TRAPPC3: variants seen among roughly 807,000 people sequenced by gnomAD.
TRAPPC3 encodes the protein trafficking protein particle complex subunit 3.
Under a neutral mutation model 18.2 loss-of-function variants are expected in TRAPPC3, and 5 were observed. That is an observed-to-expected ratio of 0.28 (90% CI 0.14 to 0.58). The LOEUF (loss-of-function observed/expected upper bound fraction) is 0.58. TRAPPC3 is among the 20% of genes least tolerant of loss of function. The pLI is 0.91. For synonymous variants in TRAPPC3, 65 were observed against 84.2 expected (o/e 0.77, Z 1.25); for missense variants, 176 against 225.9 (o/e 0.78, Z 1.41).
intron 1 of TRAPPC3, among the ~76,000 whole-genome samples, chr1:36,144,526 T>C (rs1183353003): frequency 2.0e-5 from 3 of 152,210 alleles, no homozygotes; most frequent in East Asian, 3.9e-4. Context: ...TGGTGGTACA[T>C]GCCTGTAGTC....
upstream of TRAPPC3, among the ~76,000 whole-genome samples, chr1:36,151,537 G>A (rs1465631706): frequency 6.6e-6 from 1 of 152,158 alleles, no homozygotes; most frequent in Non-Finnish European, 1.5e-5. Flanking sequence ...CTTGAGCCCA[G>A]GAGGTGGAGG....
intron 1 of TRAPPC3, among the ~76,000 whole-genome samples, chr1:36,144,525 A>G (rs750027548): frequency 5.3e-5 from 8 of 152,062 alleles, no homozygotes; most frequent in Admixed American, 1.3e-4. Flanking sequence ...ATGGTGGTAC[A>G]TGCCTGTAGT....
At chr1:36,138,900 G>A (rs1644064267) in intron 3 of TRAPPC3, among the ~76,000 whole-genome samples, 1 of 151,722 alleles carries the variant, frequency 6.6e-6, no homozygotes, top group Non-Finnish European at 1.5e-5. Context: ...GCCGGGCATG[G>A]TGGTGCATGC....
chr1:36,140,718 C>A (rs1644094341), intron 1 of TRAPPC3: 1 of 152,328 alleles, frequency 6.6e-6, no homozygotes, highest in African/African-American at 2.4e-5. Flanking sequence ...CTGATGACAA[C>A]CCCTTTCCAA....
rs556033765 is a variant in TRAPPC3, at chr1:36,139,533, C to T, written c.240+187G>A. ...AGCTCAGGCTTTGATTTCAGTGGGG[C>T]TTTAATCCACAGGGATTAAATAATC... On this transcript the variant is annotated intron_variant, in intron 3 of 4. Coordinates refer to ENST00000373166, the MANE Select transcript of TRAPPC3 (RefSeq NM_014408.5). The T allele has an allele frequency of 1.4e-5, 10 of 711,362 alleles. No individual in the cohort carries two copies. In the South Asian group the frequency reaches 2.0e-4, roughly 14 times the overall value. The allele number at this position is 711,362 out of a possible 1,614,324, so 44.1% of individuals were successfully genotyped here. A position where few individuals can be genotyped will look rare whatever the true frequency, so the allele number is the denominator to read the frequency against.
intron 1 of TRAPPC3, among the ~76,000 whole-genome samples, chr1:36,146,309 T>C (rs1260225579): frequency 1.3e-5 from 2 of 150,292 alleles, no homozygotes; most frequent in Non-Finnish European, 3.0e-5. Flanking sequence ...TCTTTTTTTT[T>C]TTTTTGAGAT....
At chr1:36,143,248 T>G (rs1644142702) in intron 1 of TRAPPC3, among the ~76,000 whole-genome samples, 1 of 143,634 alleles carries the variant, frequency 7.0e-6, no homozygotes, top group African/African-American at 2.6e-5. Flanking sequence ...TTTACGTGTG[T>G]GTGTTGGGGG....
chr1:36,149,097 T>G, intron 1 of TRAPPC3: 1 of 1,408,880 alleles, frequency 7.1e-7, no homozygotes. Flanking sequence ...ATTACCGTCG[T>G]TGTTGTTGGC....
At chr1:36,138,104 C>A in intron 3 of TRAPPC3, 126 bp from the exon 4 acceptor site, 1 of 1,567,030 alleles carries the variant, frequency 6.4e-7, no homozygotes, top group Non-Finnish European at 8.7e-7. Flanking sequence ...TGCAAGATGA[C>A]ACTTCAGATA....
At chr1:36,138,248 G>C (rs184369905) in intron 3 of TRAPPC3, 82 of 1,539,534 alleles carry the variant, frequency 5.3e-5, no homozygotes, top group Non-Finnish European at 7.1e-5. Flanking sequence ...CATCATACAA[G>C]TAAGCAACAA....
upstream of TRAPPC3, among the ~76,000 whole-genome samples, chr1:36,151,290 A>G (rs1644269760): frequency 6.6e-6 from 1 of 152,192 alleles, no homozygotes; most frequent in African/African-American, 2.4e-5. Flanking sequence ...TGGGAGGCAA[A>G]GGCAGGAGGA....
In TRAPPC3 at chr1:36,138,361, G is replaced by A. The variant is rs1480847261; in HGVS notation, c.241-383C>T. 3.7e-5 allele frequency: 41 copies of A among 1,109,798 alleles called. 1 individual carries two copies. In the South Asian group the frequency reaches 5.6e-4, roughly 15 times the overall value. The allele number at this position is 1,109,798 out of a possible 1,614,324, so 68.7% of individuals were successfully genotyped here. ...GCCCTAACCCACTTCTCTGTCCTCTGTCTGTGCTACCTGAATGCACCTTCT... is the reference window on the plus strand; with the variant it reads ...GCCCTAACCCACTTCTCTGTCCTCTATCTGTGCTACCTGAATGCACCTTCT... On this transcript the variant is annotated intron_variant, in intron 3 of 4. Coordinates refer to ENST00000373166, the MANE Select transcript of TRAPPC3 (RefSeq NM_014408.5).
chr1:36,152,671 T>C (rs1191622970), upstream of TRAPPC3, among the ~76,000 whole-genome samples: 1 of 150,684 alleles, frequency 6.6e-6, no homozygotes, highest in East Asian at 2.0e-4. Flanking sequence ...TCTCTCTTTT[T>C]TTAGACAGGG....
upstream of TRAPPC3, among the ~76,000 whole-genome samples, chr1:36,151,731 A>C (rs1644272782): frequency 6.6e-6 from 1 of 152,180 alleles, no homozygotes; most frequent in African/African-American, 2.4e-5. Context: ...GACATTTAGG[A>C]ACACCAGATG....
At chr1:36,137,477 T>C in intron 4 of TRAPPC3, 155 bp from the exon 5 acceptor site, 1 of 750,132 alleles carries the variant, frequency 1.3e-6, no homozygotes, top group Non-Finnish European at 2.1e-6. Context: ...TTCTGTTGCA[T>C]AAGACAATGG....
intron 2 of TRAPPC3, 56 bp downstream of exon 2, chr1:36,140,013 G>T: frequency 1.3e-6 from 2 of 1,496,162 alleles, no homozygotes; most frequent in South Asian, 1.3e-5. Context: ...GGACAATGTA[G>T]ACTCAGTGTG....
chr1:36,149,601 C>A, upstream of TRAPPC3: 1 of 609,904 alleles, frequency 1.6e-6, no homozygotes, highest in Non-Finnish European at 2.9e-6. Flanking sequence ...GCCCCTTTGG[C>A]AGCACCGCCT....
chr1:36,137,575 G>A (rs1644043700), intron 4 of TRAPPC3: 2 of 640,936 alleles, frequency 3.1e-6, no homozygotes, highest in South Asian at 2.0e-5. Flanking sequence ...ATGTTCCTGG[G>A]CTTTGGGGAC....
upstream of TRAPPC3, among the ~76,000 whole-genome samples, chr1:36,152,138 A>G (rs548620403): frequency 1.3e-5 from 2 of 152,270 alleles, no homozygotes; most frequent in Non-Finnish European, 2.9e-5. Flanking sequence ...CCAAGGCCTC[A>G]GTTCTGAGAG....
Sources: allele counts gnomAD v4.1 joint callset (sites outside exome capture counted in the v4.1 genomes callset), GRCh38; gene constraint gnomAD v4.1.1; transcripts MANE v1.5; gene names NCBI Gene and HGNC (gene_info 2026-07-23, HGNC 2026-07-21).